Variants in CSMD1 observed in about 807,000 individuals in gnomAD.
CSMD1 encodes the protein CUB and Sushi multiple domains 1.
In CSMD1, 213 loss-of-function variants were observed where a neutral mutation model predicts 417.5. The observed-to-expected ratio is 0.51, with a 90% CI of 0.46 to 0.57. The LOEUF is 0.57. CSMD1 is among the 20% of genes least tolerant of loss of function. The pLI, the probability that CSMD1 is intolerant of heterozygous loss-of-function variation, is 0.00. For synonymous variants in CSMD1, 2,862 were observed against 1,736.8 expected, an observed-to-expected ratio of 1.65 and a Z score of -16.11; for missense variants, 6,923 against 4,529.7, an observed-to-expected ratio of 1.53 and a Z score of -15.17.
chr8:3,723,922 A>T (rs1027449782), intron 6 of CSMD1, among the ~76,000 whole-genome samples: 1 of 152,212 alleles, frequency 6.6e-6, no homozygotes, highest in Non-Finnish European at 1.5e-5. Context: ...TGCAGATTCC[A>T]TTTTGTAGCT....
chr8:4,769,141 T>G (rs899800172), intron 1 of CSMD1, among the ~76,000 whole-genome samples: 1 of 152,204 alleles, frequency 6.6e-6, no homozygotes, highest in African/African-American at 2.4e-5. Flanking sequence ...CCTTGACCAT[T>G]TATTTCACCT....
chr8:3,416,973 A>G (rs1813195602), intron 12 of CSMD1, among the ~76,000 whole-genome samples: 1 of 152,206 alleles, frequency 6.6e-6, no homozygotes, highest in Non-Finnish European at 1.5e-5. Context: ...ATTTCTCTAA[A>G]TCTCAATAGA....
Position 3,120,036 on chromosome 8 carries a change from T to C in CSMD1, c.6242-1449A>G, listed in dbSNP as rs144285382. 1.1e-4 allele frequency among the ~76,000 whole-genome samples: 16 copies of C among 152,266 alleles called. No homozygotes were observed. The East Asian group carries it at 2.1e-3, about 20-fold the overall frequency. Reference sequence around the variant, plus strand: ...GTAAATTCCTTAACCATTGACAATATTGGAGTGAGCCTGTAGTTTGGAAAC... The same window carrying C: ...GTAAATTCCTTAACCATTGACAATACTGGAGTGAGCCTGTAGTTTGGAAAC... On this transcript the variant is annotated intron_variant, in intron 41 of 69. Transcript: ENST00000635120.
intron 23 of CSMD1, among the ~76,000 whole-genome samples, chr8:3,311,296 C>G (rs2117414792): frequency 6.6e-6 from 1 of 152,236 alleles, no homozygotes; most frequent in East Asian, 1.9e-4. Flanking sequence ...GTTGCCCAGG[C>G]TGGAATGCAG....
chr8:4,920,597 G>A lies in CSMD1; in HGVS notation c.85+73735C>T, dbSNP rs1236020242. ...AGCACTTTGGGAGGCTGAGGCAGGTGGATCACCTGAAGTCAGGAGTTTGAG... is the reference window on the plus strand; with the variant it reads ...AGCACTTTGGGAGGCTGAGGCAGGTAGATCACCTGAAGTCAGGAGTTTGAG... On this transcript the variant is annotated intron_variant, in intron 1 of 69. Transcript: ENST00000635120. 2.6e-5 allele frequency among the ~76,000 whole-genome samples: 4 copies of A among 152,028 alleles called. No homozygotes were observed. In the East Asian group the frequency reaches 5.8e-4, roughly 22 times the overall value.
chr8:3,696,925 C>T (rs1237588739), intron 7 of CSMD1, among the ~76,000 whole-genome samples: 1 of 152,140 alleles, frequency 6.6e-6, no homozygotes, highest in Non-Finnish European at 1.5e-5. Context: ...TTATCAGTCA[C>T]TTTGCCTTCC....
Position 3,505,685 on chromosome 8 carries a change from G to C in CSMD1, c.1345-11959C>G, listed in dbSNP as rs141912060. 5.2e-3 allele frequency among the ~76,000 whole-genome samples: 799 copies of C among 152,234 alleles called. 8 individuals are homozygous for C. Among genetic ancestry groups the C allele is most frequent in the African/African-American group, 0.018 (755 of 41,540 alleles). On this transcript the variant is annotated intron_variant, in intron 10 of 69. Transcript: ENST00000635120. ...TTTGGTAGCATAACAAAACCGTAGA[G>C]GTACTGGACCAACAACACTATGAGC...
At chr8:4,760,219 A>G (rs1811953484) in intron 1 of CSMD1, among the ~76,000 whole-genome samples, 1 of 152,190 alleles carries the variant, frequency 6.6e-6, no homozygotes, top group East Asian at 1.9e-4. Flanking sequence ...GTAATTATCT[A>G]TTGTTATATG....
At chr8:4,672,120 T>A (rs1441761582) in intron 1 of CSMD1, among the ~76,000 whole-genome samples, 8 of 152,206 alleles carry the variant, frequency 5.3e-5, no homozygotes, top group Admixed American at 4.6e-4. Flanking sequence ...TGGTCACTGA[T>A]CTTCCCATTG....
chr8:4,761,918 T>C lies in CSMD1; in HGVS notation c.86-124360A>G, dbSNP rs201642750. ...ACCTATCTATCTATCTATCAATCTA[T>C]CTATCTATCTATCTATCTATCTATC... On this transcript the variant is annotated intron_variant, in intron 1 of 69. Transcript: ENST00000635120. Among the ~76,000 whole-genome samples the C allele has an allele frequency of 1.3e-3, 160 of 127,766 alleles. 1 individual carries two copies. The highest frequency in any genetic ancestry group is 1.6e-3 in the African/African-American group (52 of 32,418). The allele number at this position is 127,766 out of a possible 152,430, so 83.8% of individuals were successfully genotyped here.
At chr8:4,939,137 G>C (rs1333655189) in intron 1 of CSMD1, among the ~76,000 whole-genome samples, 3 of 152,084 alleles carry the variant, frequency 2.0e-5, no homozygotes, top group Admixed American at 6.5e-5. Flanking sequence ...AAGCTTTTTA[G>C]TTTGATGCCA....
At chr8:4,844,517 G>A (rs558820847) in intron 1 of CSMD1, among the ~76,000 whole-genome samples, 6 of 152,216 alleles carry the variant, frequency 3.9e-5, no homozygotes, top group African/African-American at 1.4e-4. Flanking sequence ...GTCAAGGTCA[G>A]GACTGCCTGC....
chr8:3,421,569 C>T (rs144924918), intron 12 of CSMD1, among the ~76,000 whole-genome samples: 2 of 152,238 alleles, frequency 1.3e-5, no homozygotes, highest in African/African-American at 4.8e-5. Flanking sequence ...AATATTTAGC[C>T]TGTTTGATTA....
chr8:4,595,387 C>CTTTTTTTTTTTTTTTTGTTT, intron 2 of CSMD1, among the ~76,000 whole-genome samples: 1 of 147,342 alleles, frequency 6.8e-6, no homozygotes. Flanking sequence ...CATTCATTTT[C>CTTTTTTTTTTTTTTTTGTTT]ATTCCATCCA....
intron 7 of CSMD1, among the ~76,000 whole-genome samples, chr8:3,645,196 C>G (rs1332027471): frequency 3.3e-5 from 5 of 152,068 alleles, no homozygotes; most frequent in Non-Finnish European, 5.9e-5. Flanking sequence ...AGTCCTGGGC[C>G]ATGCAAGAAA....
At chr8:3,241,707 A>G (rs1443050754) in intron 26 of CSMD1, among the ~76,000 whole-genome samples, 2 of 152,062 alleles carry the variant, frequency 1.3e-5, no homozygotes, top group Non-Finnish European at 2.9e-5. Flanking sequence ...GTGTTTCTGG[A>G]GGAACGCCTG....
At chr8:4,096,011 A>T (rs1800987636) in intron 3 of CSMD1, among the ~76,000 whole-genome samples, 1 of 152,070 alleles carries the variant, frequency 6.6e-6, no homozygotes, top group South Asian at 2.1e-4. Flanking sequence ...AAACATAGGA[A>T]AGGATAATAA....
intron 1 of CSMD1, among the ~76,000 whole-genome samples, chr8:4,662,159 T>C (rs1002694586): frequency 6.6e-6 from 1 of 152,170 alleles, no homozygotes; most frequent in Non-Finnish European, 1.5e-5. Context: ...TCAAAGGAAA[T>C]GAAAACCCCC....
chr8:3,192,255 C>T (rs980568057), intron 33 of CSMD1, among the ~76,000 whole-genome samples: 1 of 152,220 alleles, frequency 6.6e-6, no homozygotes, highest in Non-Finnish European at 1.5e-5. Flanking sequence ...TACAGAATAA[C>T]GATAATATTC....
Sources: allele counts gnomAD v4.1 joint callset (sites outside exome capture counted in the v4.1 genomes callset), GRCh38; gene constraint gnomAD v4.1.1; transcripts MANE v1.5; gene names NCBI Gene and HGNC (gene_info 2026-07-23, HGNC 2026-07-21).